SYT1: variants seen among roughly 807,000 people sequenced by gnomAD.
SYT1 encodes synaptotagmin 1.
In SYT1, 8 loss-of-function variants were observed where a neutral mutation model predicts 44.8. The ratio of observed to expected loss-of-function variants is 0.18; its 90% CI spans 0.10 to 0.32. The LOEUF is 0.32. Ranked by LOEUF, SYT1 falls within the 10% of genes least tolerant of loss-of-function variation. The pLI is 1.00. For missense variants in SYT1, 286 were observed against 509.3 expected, an observed-to-expected ratio of 0.56 and a Z score of 4.22; for synonymous variants, 154 against 188.8, an observed-to-expected ratio of 0.82 and a Z score of 1.51.
rs556781869 is a variant in SYT1 at position 79,229,887 on chromosome 12, G to A, written c.166+12202G>A. ...TAGAATTACAGGCGTGAGCCACCACGCCCAGCCAAGCAGTAGTTCTTAATA... is the reference window on the plus strand; with the variant it reads ...TAGAATTACAGGCGTGAGCCACCACACCCAGCCAAGCAGTAGTTCTTAATA... On this transcript the variant is annotated intron_variant, in intron 4 of 10. Coordinates refer to ENST00000261205, the MANE Select transcript of SYT1 (RefSeq NM_005639.3). Among the ~76,000 whole-genome samples, 3 of 152,108 alleles carry A rather than the reference G, an allele frequency of 2.0e-5. No homozygotes were observed. In the East Asian group the frequency reaches 5.8e-4, roughly 29 times the overall value.
intron 9 of SYT1, among the ~76,000 whole-genome samples, chr12:79,397,638 T>C (rs1358511450): frequency 1.3e-5 from 2 of 152,220 alleles, no homozygotes; most frequent in East Asian, 3.8e-4. Context: ...GCAGGATCCC[T>C]GATGCTGCAA....
intron 3 of SYT1, among the ~76,000 whole-genome samples, chr12:79,061,090 C>T (rs1010152017): frequency 1.2e-4 from 18 of 152,026 alleles, no homozygotes; most frequent in African/African-American, 4.3e-4. Context: ...GGGAAGGGAG[C>T]ATTGATTCTA....
chr12:78,891,192 G>T (rs1382563192), intron 1 of SYT1, among the ~76,000 whole-genome samples: 2 of 151,830 alleles, frequency 1.3e-5, no homozygotes, highest in African/African-American at 4.8e-5. Context: ...TTTAGGAGGG[G>T]AATGACACAT....
chr12:79,032,981 A>G (rs951556176), intron 2 of SYT1, among the ~76,000 whole-genome samples: 1 of 151,394 alleles, frequency 6.6e-6, no homozygotes, highest in African/African-American at 2.4e-5. Flanking sequence ...GTTTTATATC[A>G]GAAGACCAAA....
chr12:79,316,596 G>T (rs1460324110), intron 8 of SYT1, among the ~76,000 whole-genome samples: 3 of 152,070 alleles, frequency 2.0e-5, no homozygotes, highest in South Asian at 2.1e-4. Context: ...TACTGTACAG[G>T]CTTCAGTCAT....
At chr12:79,446,243 C>T (rs1870731233) in intron 10 of SYT1, among the ~76,000 whole-genome samples, 1 of 151,646 alleles carries the variant, frequency 6.6e-6, no homozygotes, top group Non-Finnish European at 1.5e-5. Context: ...GCGCCCAATA[C>T]ATAGGAACAC....
At chr12:79,225,074 C>T (rs913301444) in intron 4 of SYT1, among the ~76,000 whole-genome samples, 3 of 151,694 alleles carry the variant, frequency 2.0e-5, no homozygotes, top group African/African-American at 4.8e-5. Context: ...AACCACTGCG[C>T]CCAGCCCTGA....
rs927141903 is a variant in SYT1, at chr12:79,430,646, G to T, written c.929-13427G>T. The stretch of plus-strand genomic sequence containing the variant: ...ACTAAAAATCAAAAGAATTAGCCAG[G>T]TGTTGTGGTGTGCACCTGTAGTCCC... On this transcript the variant is annotated intron_variant, in intron 9 of 10. Transcript: ENST00000261205. Among the ~76,000 whole-genome samples, 12 of 152,296 alleles carry T rather than the reference G, an allele frequency of 7.9e-5. No individual in the cohort carries two copies. The East Asian group carries it at 2.1e-3, about 27-fold the overall frequency.
intron 3 of SYT1, among the ~76,000 whole-genome samples, chr12:79,061,834 G>T (rs1875408873): frequency 2.0e-5 from 3 of 152,072 alleles, no homozygotes. Flanking sequence ...GATCATGAAG[G>T]TTAAATTAAA....
At chr12:78,925,744 C>T (rs755871769) in intron 1 of SYT1, among the ~76,000 whole-genome samples, 9 of 151,842 alleles carry the variant, frequency 5.9e-5, no homozygotes, top group South Asian at 4.1e-4. Context: ...ATCTAATAAT[C>T]GCGCTTTTTC....
intron 2 of SYT1, among the ~76,000 whole-genome samples, chr12:78,996,155 A>G (rs1870366959): frequency 6.6e-6 from 1 of 152,190 alleles, no homozygotes; most frequent in South Asian, 2.1e-4. Flanking sequence ...CTTGGTTGAA[A>G]GATCTCTGTC....
chr12:78,998,728 A>G (rs1870537952), intron 2 of SYT1, among the ~76,000 whole-genome samples: 1 of 152,180 alleles, frequency 6.6e-6, no homozygotes, highest in Non-Finnish European at 1.5e-5. Flanking sequence ...AAATCTGGTT[A>G]CTTTCTCTGC....
chr12:79,252,958 C>T (rs1381742221), intron 4 of SYT1, among the ~76,000 whole-genome samples: 2 of 152,140 alleles, frequency 1.3e-5, no homozygotes, highest in Non-Finnish European at 2.9e-5. Flanking sequence ...CATATTCCCA[C>T]ATAGCAATAC....
intron 9 of SYT1, among the ~76,000 whole-genome samples, chr12:79,365,303 C>T (rs191756073): frequency 1.3e-5 from 2 of 152,124 alleles, no homozygotes; most frequent in African/African-American, 4.8e-5. Flanking sequence ...TCTGCCATAT[C>T]TAGTGGTTGC....
intron 9 of SYT1, among the ~76,000 whole-genome samples, chr12:79,395,148 T>C (rs115397254): frequency 0.012 from 1,818 of 152,162 alleles, 47 homozygotes; most frequent in African/African-American, 0.042. Flanking sequence ...GAATAAACCA[T>C]GGCTGCATTT....
rs71091653 is a variant in SYT1 at position 79,215,918 on chromosome 12, C to CTTTTTTTTTTTT, written c.-17-1566_-17-1555dup. ...ACTCACAAATCGTTTGCATTTCTTT[C>CTTTTTTTTTTTT]TTTTTTTTTTTTTTTTTTTTTTTTT... On this transcript the variant is annotated intron_variant, in intron 3 of 10. Transcript: ENST00000261205. Among the ~76,000 whole-genome samples the CTTTTTTTTTTTT allele has an allele frequency of 2.5e-4, 19 of 76,728 alleles. 2 individuals are homozygous for CTTTTTTTTTTTT. Among genetic ancestry groups the CTTTTTTTTTTTT allele is most frequent in the Non-Finnish European group, 4.1e-4 (18 of 43,896 alleles). 50.3% of individuals were successfully genotyped at this position (76,728 alleles called of 152,430 possible). A position where few individuals can be genotyped will look rare whatever the true frequency, so the allele number is the denominator to read the frequency against.
intron 4 of SYT1, among the ~76,000 whole-genome samples, chr12:79,222,571 C>G (rs1324520987): frequency 6.6e-6 from 1 of 151,954 alleles, no homozygotes; most frequent in Non-Finnish European, 1.5e-5. Flanking sequence ...TTAGTAGAGA[C>G]AGGGTTTCAC....
At chr12:79,172,905 C>G (rs888465500) in intron 3 of SYT1, among the ~76,000 whole-genome samples, 3 of 122,596 alleles carry the variant, frequency 2.4e-5, no homozygotes, top group African/African-American at 9.3e-5. Context: ...CTTCATAGTT[C>G]AATTCCATAA....
At chr12:79,445,259 C>T (rs1034014882) in intron 10 of SYT1, among the ~76,000 whole-genome samples, 1 of 152,002 alleles carries the variant, frequency 6.6e-6, no homozygotes, top group Non-Finnish European at 1.5e-5. Context: ...GTAATCAAAT[C>T]AGAGTAGTTA....
Sources: gnomAD v4.1 joint callset for allele counts (sites outside exome capture counted in the v4.1 genomes callset) on GRCh38, gnomAD v4.1.1 for gene constraint, MANE v1.5 for transcripts, NCBI Gene and HGNC (gene_info 2026-07-23, HGNC 2026-07-21) for gene names.